Variants in ELAVL1 observed in about 807,000 individuals in gnomAD.
ELAVL1 encodes the protein ELAV-like protein 1.
In ELAVL1, 1 loss-of-function variant was observed where a neutral mutation model predicts 28.4. The observed-to-expected ratio is 0.04, with a 90% CI of 0.01 to 0.17. The LOEUF is 0.17. Ranked by LOEUF, ELAVL1 falls within the 10% of genes least tolerant of loss-of-function variation. The pLI, the probability that ELAVL1 is intolerant of heterozygous loss-of-function variation, is 1.00. For synonymous variants in ELAVL1, 174 were observed against 183.5 expected (o/e 0.95, Z 0.42); for missense variants, 157 against 447.2 (o/e 0.35, Z 5.85).
chr19:7,997,292 C>A (rs1273253455), intron 1 of ELAVL1, among the ~76,000 whole-genome samples: 1 of 152,168 alleles, frequency 6.6e-6, no homozygotes, highest in African/African-American at 2.4e-5. Context: ...ACTACAACAA[C>A]CCAAATATTC....
At chr19:7,974,632 G>C (rs980294316) in intron 3 of ELAVL1, among the ~76,000 whole-genome samples, 1 of 152,188 alleles carries the variant, frequency 6.6e-6, no homozygotes, top group African/African-American at 2.4e-5. Context: ...TGCCTGTGAA[G>C]GGGCAGCCTG....
rs1265111933 is a variant in ELAVL1 at position 7,959,531 on chromosome 19, G to A, written c.*3952C>T. ...TTAGCCTAACTTAGGTACTGGCGGT[G>A]ACTTACAAGTGAGAAAAAAAAAATT... On this transcript the variant is annotated 3_prime_UTR_variant, in exon 6 of 6. Transcript: ENST00000407627. 1 of 152,024 alleles carries A rather than the reference G, an allele frequency of 6.6e-6. No homozygotes were observed. The highest frequency in any genetic ancestry group is 1.5e-5 in the Non-Finnish European group (1 of 68,026). The allele number at this position is 152,024 out of a possible 1,614,324, so 9.4% of individuals were successfully genotyped here.
chr19:7,984,220 G>C (rs1985540893), intron 2 of ELAVL1, among the ~76,000 whole-genome samples: 1 of 152,172 alleles, frequency 6.6e-6, no homozygotes, highest in Non-Finnish European at 1.5e-5. Flanking sequence ...CAGGCCCTGT[G>C]CTTGGCTGGG....
At chr19:7,970,868 A>C (rs1282889668) in intron 4 of ELAVL1, among the ~76,000 whole-genome samples, 1 of 152,144 alleles carries the variant, frequency 6.6e-6, no homozygotes, top group Non-Finnish European at 1.5e-5. Context: ...GGCCATCCTC[A>C]TCTATTTAAC....
intron 5 of ELAVL1, among the ~76,000 whole-genome samples, chr19:7,965,138 T>C (rs575642290): frequency 6.6e-6 from 1 of 152,382 alleles, no homozygotes; most frequent in Admixed American, 6.5e-5. Context: ...TTGTCCAGTA[T>C]GGTCTCAAAC....
In ELAVL1 at chr19:7,991,669, T is replaced by C; in HGVS notation, c.147A>G (p.Ala49=). Reference sequence around the variant, plus strand: ...CTGCTACTTTATCCCGAATAAGTTTTGCAGATTCAACTTCACCAATGCTGC... The same window carrying C: ...CTGCTACTTTATCCCGAATAAGTTTCGCAGATTCAACTTCACCAATGCTGC... ...LFSSIGEVES[A]KLIRDKVAGH... The change falls in exon 2 of 6, where the codon GCA becomes GCG. Residue 49 remains alanine (A), a synonymous_variant. Coordinates refer to ENST00000407627, the MANE Select transcript of ELAVL1 (RefSeq NM_001419.3). 1 of 1,612,462 alleles carries C rather than the reference T, an allele frequency of 6.2e-7. No individual in the cohort carries two copies. Among genetic ancestry groups the C allele is most frequent in the Non-Finnish European group, 8.5e-7 (1 of 1,179,156 alleles).
chr19:7,977,731 C>T (rs1007808465), intron 3 of ELAVL1, among the ~76,000 whole-genome samples: 1 of 152,260 alleles, frequency 6.6e-6, no homozygotes, highest in Non-Finnish European at 1.5e-5. Flanking sequence ...ACAGAGCGGA[C>T]GGGGTGAAGG....
At chr19:7,989,430 C>T (rs1036585551) in intron 2 of ELAVL1, among the ~76,000 whole-genome samples, 6 of 152,242 alleles carry the variant, frequency 3.9e-5, no homozygotes, top group African/African-American at 1.4e-4. Context: ...CTTTTGCAGC[C>T]TTCACTGATT....
At position 7,979,092 on chromosome 19, in the gene ELAVL1, C is replaced by A. The variant is rs151232947; in HGVS notation, c.276+1991G>T. On this transcript the variant is annotated intron_variant, in intron 3 of 5. Coordinates refer to ENST00000407627, the MANE Select transcript of ELAVL1 (RefSeq NM_001419.3). The surrounding 1 kb of genome is among the most constrained non-coding windows in gnomAD (Gnocchi z 5.4). ...TGGAGCACAGAGGACCCCAGGGCTG[C>A]GCCGGGGGAACTGCTAGAGGAGCCA... Among the ~76,000 whole-genome samples the A allele has an allele frequency of 8.3e-3, 1,271 of 152,288 alleles. 17 individuals are homozygous for A. The highest frequency in any genetic ancestry group is 0.029 in the African/African-American group (1,202 of 41,558).
At chr19:8,001,191 C>A (rs1288751241) in intron 1 of ELAVL1, among the ~76,000 whole-genome samples, 1 of 152,164 alleles carries the variant, frequency 6.6e-6, no homozygotes, top group Non-Finnish European at 1.5e-5. Flanking sequence ...GTATGTCTCC[C>A]CAACCTCCCT....
chr19:7,971,615 C>CCGA (rs1274485664), intron 4 of ELAVL1, among the ~76,000 whole-genome samples: 2 of 152,252 alleles, frequency 1.3e-5, no homozygotes, highest in African/African-American at 4.8e-5. Flanking sequence ...CTGGCATCCC[C>CCGA]CGACCCTCTC....
chr19:7,961,279 G>A lies in ELAVL1; in HGVS notation c.*2204C>T, dbSNP rs149846894. The stretch of plus-strand genomic sequence containing the variant: ...GCATGTGTGGGAGTGAGACTCCAGG[G>A]GGAGTTTCAGAAGCGGGAATCCCGC... On this transcript the variant is annotated 3_prime_UTR_variant, in exon 6 of 6. Coordinates refer to ENST00000407627, the MANE Select transcript of ELAVL1 (RefSeq NM_001419.3). The A allele has an allele frequency of 6.6e-6, 1 of 152,346 alleles. No homozygotes were observed. Among genetic ancestry groups the A allele is most frequent in the Non-Finnish European group, 1.5e-5 (1 of 68,038 alleles). The allele number at this position is 152,346 out of a possible 1,614,324, so 9.4% of individuals were successfully genotyped here.
At chr19:8,000,341 T>A (rs1226869284) in intron 1 of ELAVL1, among the ~76,000 whole-genome samples, 1 of 152,238 alleles carries the variant, frequency 6.6e-6, no homozygotes, top group Non-Finnish European at 1.5e-5. Context: ...GTCGATCATC[T>A]AGCGCATATC....
At chr19:7,983,712 G>C (rs559699017) in intron 2 of ELAVL1, among the ~76,000 whole-genome samples, 1 of 152,272 alleles carries the variant, frequency 6.6e-6, no homozygotes, top group East Asian at 1.9e-4. Flanking sequence ...CACACTGATA[G>C]GGACTCGAGC....
In ELAVL1 at chr19:7,973,744, G is replaced by T. The variant is rs775519115; in HGVS notation, c.411C>A (p.Val137=). The T allele has an allele frequency of 1.2e-6, 2 of 1,614,052 alleles. No homozygotes were observed. The highest frequency in any genetic ancestry group is 2.2e-5 in the South Asian group (2 of 91,070). ...TGGTACCTGTAGTCTGATCCACGAG[G>T]ACCCGCGAGTTGATGATCCGCCCAA... ...SRFGRIINSR[V]LVDQTTGLSR... The change falls in exon 4 of 6, where the codon GTC becomes GTA. Residue 137 remains valine, a synonymous_variant. Transcript: ENST00000407627.
At chr19:7,973,695 C>T (rs747427517) in intron 4 of ELAVL1, 30 bp downstream of exon 4, 15 of 1,601,010 alleles carry the variant, frequency 9.4e-6, no homozygotes, top group Non-Finnish European at 1.3e-5. Context: ...AGAGAACACC[C>T]TCCCCACGCG....
In ELAVL1 at chr19:7,962,792, C is replaced by T. The variant is rs1477033315; in HGVS notation, c.*691G>A. On this transcript the variant is annotated 3_prime_UTR_variant, in exon 6 of 6. Transcript: ENST00000407627. ...CTGACTCTGGAATATACTGGAGTTT[C>T]CCTGAAACTCTTTGGTCCATTCCCA... The T allele has an allele frequency of 6.5e-6, 1 of 152,710 alleles. No homozygotes were observed. The highest frequency in any genetic ancestry group is 2.4e-5 in the African/African-American group (1 of 41,470). 9.5% of individuals were successfully genotyped at this position (152,710 alleles called of 1,614,324 possible).
intron 1 of ELAVL1, among the ~76,000 whole-genome samples, chr19:7,993,343 G>A (rs774601984): frequency 6.6e-6 from 1 of 152,124 alleles, no homozygotes; most frequent in Non-Finnish European, 1.5e-5. Flanking sequence ...GAGCCTGTGG[G>A]GTGTACCTGA....
At chr19:7,989,740 C>T (rs758152061) in intron 2 of ELAVL1, among the ~76,000 whole-genome samples, 1 of 152,216 alleles carries the variant, frequency 6.6e-6, no homozygotes, top group Non-Finnish European at 1.5e-5. Flanking sequence ...AACATTCTAA[C>T]ACTGCTCAAG....
Sources: gnomAD v4.1 joint callset for allele counts (sites outside exome capture counted in the v4.1 genomes callset) on GRCh38, gnomAD v4.1.1 for gene constraint, Gnocchi (gnomAD v3.1) non-coding constraint, MANE v1.5 for transcripts, NCBI Gene and HGNC (gene_info 2026-07-23, HGNC 2026-07-21) for gene names.